FARS2: variants seen among roughly 807,000 people sequenced by gnomAD.
FARS2 encodes the protein phenylalanyl-tRNA synthetase 2, mitochondrial.
In FARS2, 40 loss-of-function variants were observed where a neutral mutation model predicts 46.4. The observed-to-expected ratio is 0.86, with a 90% CI of 0.67 to 1.12. The LOEUF is 1.12. Among genes scored for constraint, FARS2 ranks in the 50% most tolerant of loss-of-function variants. The pLI is 0.00. For synonymous variants in FARS2, 234 were observed against 214.9 expected (o/e 1.09, Z -0.78); for missense variants, 513 against 567.9 (o/e 0.90, Z 0.98).
intron 6 of FARS2, among the ~76,000 whole-genome samples, chr6:5,674,316 T>C (rs1778643468): frequency 6.6e-6 from 1 of 151,914 alleles, no homozygotes; most frequent in Non-Finnish European, 1.5e-5. Flanking sequence ...AGCCTAATAC[T>C]GGCAACAGCC....
chr6:5,316,779 C>G (rs549431235), intron 1 of FARS2, among the ~76,000 whole-genome samples: 3 of 152,176 alleles, frequency 2.0e-5, no homozygotes, highest in Non-Finnish European at 4.4e-5. Flanking sequence ...GGGAAAGTAA[C>G]CATTTTGAAA....
At position 5,296,443 on chromosome 6, in the gene FARS2, T is replaced by C. The variant is rs552330143; in HGVS notation, c.-22+34783T>C. ...GGCGTGCGCCACTGTGCCTGGCCTA[T>C]TTTGGCCATTTTTAAGCATACAGTT... On this transcript the variant is annotated intron_variant, in intron 1 of 6. Transcript: ENST00000274680. Among the ~76,000 whole-genome samples the C allele has an allele frequency of 2.6e-5, 4 of 152,096 alleles. No homozygotes were observed. In the South Asian group the frequency reaches 8.3e-4, roughly 32 times the overall value.
intron 4 of FARS2, among the ~76,000 whole-genome samples, chr6:5,432,951 G>T (rs1763315164): frequency 6.6e-6 from 1 of 152,100 alleles, no homozygotes; most frequent in Non-Finnish European, 1.5e-5. Flanking sequence ...TCCATCTGCA[G>T]GGGCCTGGAC....
chr6:5,306,058 T>C (rs1018795708), intron 1 of FARS2, among the ~76,000 whole-genome samples: 6 of 152,330 alleles, frequency 3.9e-5, no homozygotes, highest in African/African-American at 1.4e-4. Context: ...ATTGTGATCC[T>C]AATAAAACTG....
chr6:5,482,195 G>A (rs58721031), intron 4 of FARS2, among the ~76,000 whole-genome samples: 9,076 of 152,040 alleles, frequency 0.06, 577 homozygotes, highest in African/African-American at 0.16. Context: ...AGTCTAGGAA[G>A]CACAATCCCT....
intron 1 of FARS2, among the ~76,000 whole-genome samples, chr6:5,274,404 A>G (rs1766184148): frequency 6.6e-6 from 1 of 152,200 alleles, no homozygotes; most frequent in Admixed American, 6.5e-5. Context: ...ATGAGACAAC[A>G]GGAAGTTGTC....
intron 1 of FARS2, among the ~76,000 whole-genome samples, chr6:5,267,159 T>TAAAA (rs34285103): frequency 0.025 from 3,604 of 147,054 alleles, 122 homozygotes; most frequent in African/African-American, 0.075. Context: ...TTTTTTTTCT[T>TAAAA]AAAAAAAAAA....
At chr6:5,310,926 T>A (rs964643745) in intron 1 of FARS2, among the ~76,000 whole-genome samples, 2 of 152,170 alleles carry the variant, frequency 1.3e-5, no homozygotes, top group Non-Finnish European at 2.9e-5. Flanking sequence ...TTGAGTGGAG[T>A]GCAGTTTAGC....
intron 6 of FARS2, among the ~76,000 whole-genome samples, chr6:5,753,778 G>C (rs375008967): frequency 2.6e-5 from 4 of 152,184 alleles, no homozygotes; most frequent in African/African-American, 9.7e-5. Flanking sequence ...TAGCCTTTCA[G>C]AGAGAGACTC....
chr6:5,389,251 T>G (rs73718088), intron 2 of FARS2, among the ~76,000 whole-genome samples: 10,462 of 152,232 alleles, frequency 0.069, 706 homozygotes, highest in African/African-American at 0.17. Context: ...GTTACATCAG[T>G]TGACCACTGT....
chr6:5,733,731 G>A (rs1213584580), intron 6 of FARS2, among the ~76,000 whole-genome samples: 1 of 152,146 alleles, frequency 6.6e-6, no homozygotes, highest in Non-Finnish European at 1.5e-5. Context: ...CATGAAATCA[G>A]ATCAGAGATC....
intron 1 of FARS2, among the ~76,000 whole-genome samples, chr6:5,266,431 T>G (rs1765555334): frequency 6.6e-6 from 1 of 151,976 alleles, no homozygotes; most frequent in African/African-American, 2.4e-5. Context: ...TGTGGGAGGC[T>G]GAGGCAGGAG....
intron 1 of FARS2, among the ~76,000 whole-genome samples, chr6:5,342,308 C>G (rs928923680): frequency 4.6e-5 from 7 of 152,180 alleles, no homozygotes; most frequent in Non-Finnish European, 4.4e-5. Flanking sequence ...CTTTGCTAAG[C>G]AGTGTTTATT....
chr6:5,641,659 A>C (rs1776826961), intron 6 of FARS2, among the ~76,000 whole-genome samples: 1 of 152,344 alleles, frequency 6.6e-6, no homozygotes, highest in Admixed American at 6.5e-5. Context: ...AAGGGCAGGT[A>C]ATGAAACTCA....
intron 2 of FARS2, among the ~76,000 whole-genome samples, chr6:5,386,954 G>C (rs1760172474): frequency 6.6e-6 from 1 of 152,096 alleles, no homozygotes; most frequent in African/African-American, 2.4e-5. Context: ...TCTAGGGGAA[G>C]GTACGCAGGG....
chr6:5,562,730 T>TCACACACACAC (rs1561715180), intron 5 of FARS2, among the ~76,000 whole-genome samples: 1 of 103,942 alleles, frequency 9.6e-6, no homozygotes, highest in East Asian at 4.4e-4. Context: ...ACACACACAG[T>TCACACACACAC]GTTTTTCATT....
chr6:5,575,415 A>G (rs918685385), intron 5 of FARS2, among the ~76,000 whole-genome samples: 2 of 152,206 alleles, frequency 1.3e-5, no homozygotes, highest in African/African-American at 4.8e-5. Context: ...TCACCTGTGT[A>G]TCTGTACCTC....
intron 4 of FARS2, among the ~76,000 whole-genome samples, chr6:5,437,432 G>T (rs1763586059): frequency 6.6e-6 from 1 of 152,096 alleles, no homozygotes; most frequent in Non-Finnish European, 1.5e-5. Flanking sequence ...TCTATCAGTT[G>T]CTCAGAAAAG....
At chr6:5,432,325 A>ATATAT (rs1294858821) in intron 4 of FARS2, among the ~76,000 whole-genome samples, 19 of 47,322 alleles carry the variant, frequency 4.0e-4, no homozygotes, top group South Asian at 3.1e-3. Flanking sequence ...AAAAAAAAAA[A>ATATAT]AAATATATAT....
Sources: gnomAD v4.1 joint callset for allele counts (sites outside exome capture counted in the v4.1 genomes callset) on GRCh38, gnomAD v4.1.1 for gene constraint, MANE v1.5 for transcripts, NCBI Gene and HGNC (gene_info 2026-07-23, HGNC 2026-07-21) for gene names.